Variants in ABI2 observed in about 807,000 individuals in gnomAD.
The protein encoded by ABI2 is abelson interactor 2.
In ABI2, 25 loss-of-function variants were observed where a neutral mutation model predicts 59.2. That is an observed-to-expected ratio of 0.42 (90% CI 0.31 to 0.59). The LOEUF is 0.59. Among genes scored for constraint, ABI2 ranks in the 20% least tolerant of loss-of-function variants. The pLI, the probability that ABI2 is intolerant of heterozygous loss-of-function variation, is 0.14. For missense variants in ABI2, 545 were observed against 681.8 expected (o/e 0.80, Z 2.23); for synonymous variants, 213 against 235.5 (o/e 0.90, Z 0.87).
At chr2:203,334,130 A>G (rs2075343566) in intron 1 of ABI2, among the ~76,000 whole-genome samples, 1 of 151,962 alleles carries the variant, frequency 6.6e-6, no homozygotes. Flanking sequence ...TAGTAAAGAC[A>G]GGGTTTCTCC....
chr2:203,331,547 C>A (rs906937944), intron 1 of ABI2, among the ~76,000 whole-genome samples: 1 of 151,468 alleles, frequency 6.6e-6, no homozygotes, highest in African/African-American at 2.4e-5. Context: ...TTAGTAGAGA[C>A]GGGATTTCCC....
rs756312581 is a variant in ABI2 at position 203,430,000 on chromosome 2, T to G, written c.*2648T>G. 6.6e-6 allele frequency: 1 copy of G among 152,162 alleles called. No individual in the cohort carries two copies. The highest frequency in any genetic ancestry group is 1.5e-5 in the Non-Finnish European group (1 of 68,052). The allele number at this position is 152,162 out of a possible 1,614,324, so 9.4% of individuals were successfully genotyped here. A position where few individuals can be genotyped will look rare whatever the true frequency, so the allele number is the denominator to read the frequency against. ...AGTACTAATGTGTGTGTGATCTTTG[T>G]TTTACAAACAGTACCTTTTGGGTTT... On this transcript the variant is annotated 3_prime_UTR_variant, in exon 12 of 12. Coordinates refer to ENST00000261018, the MANE Select transcript of ABI2 (RefSeq NM_001375670.1).
intron 4 of ABI2, among the ~76,000 whole-genome samples, chr2:203,387,523 G>T (rs903267028): frequency 6.6e-6 from 1 of 152,136 alleles, no homozygotes; most frequent in African/African-American, 2.4e-5. Context: ...TCACCTAAAT[G>T]AAATATTTCT....
intron 4 of ABI2, 35 bp downstream of exon 4, chr2:203,382,241 T>G: frequency 6.6e-7 from 1 of 1,514,716 alleles, no homozygotes. Flanking sequence ...CCATTCTTTG[T>G]TCTTATGTAG....
At chr2:203,419,276 A>AT (rs2098077969) in intron 11 of ABI2, among the ~76,000 whole-genome samples, 1 of 148,848 alleles carries the variant, frequency 6.7e-6, no homozygotes, top group Non-Finnish European at 1.5e-5. Flanking sequence ...CGCCCCGCTA[A>AT]TTTTTTTGTA....
At position 203,384,888 on chromosome 2, in the gene ABI2, G is replaced by A. The variant is rs142106111; in HGVS notation, c.480+2682G>A. On this transcript the variant is annotated intron_variant, in intron 4 of 11. Transcript: ENST00000261018. Reference sequence around the variant, plus strand: ...CTTGCTCCGTCACCCAGGCTGGAGTGCAGTGGCACGATCTTGGCTCACTGC... The same window carrying A: ...CTTGCTCCGTCACCCAGGCTGGAGTACAGTGGCACGATCTTGGCTCACTGC... Among the ~76,000 whole-genome samples, 836 of 150,174 alleles carry A rather than the reference G, an allele frequency of 5.6e-3. 9 individuals carry two copies. The highest frequency in any genetic ancestry group is 0.019 in the African/African-American group (779 of 40,750).
intron 10 of ABI2, among the ~76,000 whole-genome samples, chr2:203,414,061 T>G (rs1342116043): frequency 6.6e-6 from 1 of 152,092 alleles, no homozygotes; most frequent in African/African-American, 2.4e-5. Flanking sequence ...GGACAGTTCT[T>G]TGAAAGTTTC....
At chr2:203,390,809 A>G (rs1056324611) in intron 4 of ABI2, among the ~76,000 whole-genome samples, 4 of 152,238 alleles carry the variant, frequency 2.6e-5, no homozygotes, top group Non-Finnish European at 5.9e-5. Context: ...CTAATGGCAA[A>G]TAAAGTCTTT....
chr2:203,348,185 G>A (rs2084961507), intron 1 of ABI2, among the ~76,000 whole-genome samples: 1 of 152,198 alleles, frequency 6.6e-6, no homozygotes. Context: ...AGGTTGCAGT[G>A]AGCAGAGATC....
intron 1 of ABI2, among the ~76,000 whole-genome samples, chr2:203,351,231 G>A (rs2088138146): frequency 6.6e-6 from 1 of 152,036 alleles, no homozygotes; most frequent in Admixed American, 6.6e-5. Context: ...GTACTTCAGT[G>A]TTTTTATTAC....
At chr2:203,347,379 A>G (rs1230502323) in intron 1 of ABI2, among the ~76,000 whole-genome samples, 2 of 152,246 alleles carry the variant, frequency 1.3e-5, no homozygotes, top group African/African-American at 4.8e-5. Context: ...GAATTTAGAA[A>G]GAAATCAATA....
chr2:203,415,977 G>C (rs916291103), intron 10 of ABI2, among the ~76,000 whole-genome samples: 2 of 152,186 alleles, frequency 1.3e-5, no homozygotes, highest in African/African-American at 4.8e-5. Flanking sequence ...AAGAAATTCT[G>C]AATTATAGTC....
At chr2:203,402,235 A>G (rs1055288532) in intron 8 of ABI2, among the ~76,000 whole-genome samples, 13 of 152,134 alleles carry the variant, frequency 8.5e-5, no homozygotes, top group African/African-American at 2.9e-4. Flanking sequence ...GGGTTTCACC[A>G]CGTTGGCCAG....
intron 1 of ABI2, among the ~76,000 whole-genome samples, chr2:203,339,353 G>C (rs1413169375): frequency 1.3e-5 from 2 of 151,854 alleles, no homozygotes; most frequent in Non-Finnish European, 2.9e-5. Flanking sequence ...GCCGAGGCAG[G>C]CAGATTACCT....
chr2:203,359,791 G>T (rs2093107985), intron 1 of ABI2, among the ~76,000 whole-genome samples: 1 of 151,928 alleles, frequency 6.6e-6, no homozygotes, highest in Admixed American at 6.6e-5. Context: ...CCTCCTAAAG[G>T]CTCCACCTCT....
intron 5 of ABI2, among the ~76,000 whole-genome samples, chr2:203,392,254 G>T (rs1057334912): frequency 6.6e-6 from 1 of 150,434 alleles, no homozygotes; most frequent in African/African-American, 2.4e-5. Context: ...CTTGTTTTTG[G>T]CTTCCTCAGC....
At chr2:203,399,698 A>G (rs2097144054) in intron 8 of ABI2, among the ~76,000 whole-genome samples, 1 of 152,116 alleles carries the variant, frequency 6.6e-6, no homozygotes, top group Non-Finnish European at 1.5e-5. Flanking sequence ...TATTTTTAGT[A>G]GAGACGGGGT....
intron 9 of ABI2, among the ~76,000 whole-genome samples, chr2:203,408,363 A>G (rs1198898495): frequency 2.0e-5 from 3 of 151,782 alleles, no homozygotes; most frequent in African/African-American, 7.3e-5. Context: ...GGGTTTCACC[A>G]TGTTGGCCAG....
At chr2:203,388,579 G>A (rs975296149) in intron 4 of ABI2, among the ~76,000 whole-genome samples, 2 of 152,034 alleles carry the variant, frequency 1.3e-5, no homozygotes, top group Non-Finnish European at 2.9e-5. Context: ...TACTCGGGAG[G>A]CTGAGTCAGG....
Sources: allele counts gnomAD v4.1 joint callset (sites outside exome capture counted in the v4.1 genomes callset), GRCh38; gene constraint gnomAD v4.1.1; transcripts MANE v1.5; gene names NCBI Gene and HGNC (gene_info 2026-07-23, HGNC 2026-07-21).